Variants in TOX2 observed in about 807,000 individuals in gnomAD.
TOX2 encodes the protein granulosa cell HMG box 1.
Under a neutral mutation model 47.4 loss-of-function variants are expected in TOX2, and 15 were observed. The ratio of observed to expected loss-of-function variants is 0.32; its 90% CI spans 0.21 to 0.49. The LOEUF is 0.49. TOX2 is among the 20% of genes least tolerant of loss of function. TOX2 has a pLI of 0.99. For missense variants in TOX2, 622 were observed against 673.1 expected (o/e 0.92, Z 0.84); for synonymous variants, 290 against 296.6 (o/e 0.98, Z 0.23).
intron 3 of TOX2, among the ~76,000 whole-genome samples, chr20:44,030,289 A>G (rs1209516638): frequency 2.0e-5 from 3 of 151,882 alleles, no homozygotes; most frequent in African/African-American, 7.3e-5. Flanking sequence ...CTCTCCCTCC[A>G]TCTCTTGCTT....
At chr20:44,013,897 A>G (rs2070826263) in intron 3 of TOX2, among the ~76,000 whole-genome samples, 1 of 152,114 alleles carries the variant, frequency 6.6e-6, no homozygotes, top group South Asian at 2.1e-4. Flanking sequence ...CGGGAGGCCA[A>G]GATGGGCAGA....
At chr20:44,002,388 A>G (rs907219550) in intron 2 of TOX2, among the ~76,000 whole-genome samples, 1 of 152,186 alleles carries the variant, frequency 6.6e-6, no homozygotes, top group African/African-American at 2.4e-5. Flanking sequence ...CTGAAACTCC[A>G]GATGAGGGCA....
chr20:43,969,373 G>A (rs1214622753), intron 1 of TOX2, among the ~76,000 whole-genome samples: 1 of 152,062 alleles, frequency 6.6e-6, no homozygotes, highest in African/African-American at 2.4e-5. Flanking sequence ...AGATGTGGGT[G>A]TTTTTGATCT....
intron 2 of TOX2, among the ~76,000 whole-genome samples, chr20:43,977,085 G>T (rs577864304): frequency 6.6e-6 from 1 of 152,192 alleles, no homozygotes. Context: ...GAAAACATTT[G>T]CTTCCAGAAC....
chr20:43,926,794 G>C (rs1444584688), intron 1 of TOX2, among the ~76,000 whole-genome samples: 2 of 152,228 alleles, frequency 1.3e-5, no homozygotes, highest in Non-Finnish European at 1.5e-5. Flanking sequence ...CTTGGCACCA[G>C]TCTCCTCGAA....
chr20:44,033,899 G>C (rs904552948), intron 3 of TOX2, among the ~76,000 whole-genome samples: 1 of 152,174 alleles, frequency 6.6e-6, no homozygotes, highest in Non-Finnish European at 1.5e-5. Flanking sequence ...CAGAGTCTCT[G>C]CTGCCTTCTC....
At chr20:43,944,005 T>C (rs979677015) in intron 1 of TOX2, among the ~76,000 whole-genome samples, 9 of 152,220 alleles carry the variant, frequency 5.9e-5, no homozygotes, top group Admixed American at 6.5e-5. Flanking sequence ...TCATGGACAA[T>C]TTCCTCTTGC....
chr20:44,031,204 G>A (rs1430070872), intron 3 of TOX2, among the ~76,000 whole-genome samples: 2 of 152,138 alleles, frequency 1.3e-5, no homozygotes, highest in African/African-American at 2.4e-5. Context: ...TGGAAGCAGC[G>A]CTGCTTCCTC....
chr20:43,929,740 C>T (rs150673403), intron 1 of TOX2, among the ~76,000 whole-genome samples: 129 of 152,114 alleles, frequency 8.5e-4, no homozygotes, highest in African/African-American at 2.9e-3. Flanking sequence ...GATGGAGTCT[C>T]GCTCTGTTGC....
intron 1 of TOX2, among the ~76,000 whole-genome samples, chr20:43,927,620 C>CCTTT (rs2069187654): frequency 1.3e-5 from 1 of 74,994 alleles, no homozygotes. Context: ...TTCCTTCCTT[C>CCTTT]CTTCCTCCTT....
At chr20:44,024,764 G>A (rs1313199878) in intron 3 of TOX2, among the ~76,000 whole-genome samples, 1 of 151,916 alleles carries the variant, frequency 6.6e-6, no homozygotes, top group Admixed American at 6.6e-5. Flanking sequence ...TTATCTTTGT[G>A]CATTATACAC....
chr20:44,031,433 A>G (rs2071149738), intron 3 of TOX2, among the ~76,000 whole-genome samples: 1 of 152,108 alleles, frequency 6.6e-6, no homozygotes, highest in Non-Finnish European at 1.5e-5. Context: ...GGGTTGTGCT[A>G]TATTGGTGCG....
rs2071878571 is a variant in TOX2, at chr20:44,068,636, C to T, written c.1485-14C>T. On this transcript the variant is annotated splice_polypyrimidine_tract_variant and intron_variant, in intron 8 of 8. Coordinates refer to ENST00000341197, the MANE Select transcript of TOX2 (RefSeq NM_001098797.2). The stretch of plus-strand genomic sequence containing the variant: ...GTACCCAACAGCTTTGACAGCCCCT[C>T]CTCTCTCTCACAGCCTGCTCCCCAG... 1 of 1,608,750 alleles carries T rather than the reference C, an allele frequency of 6.2e-7. No homozygotes were observed. Among genetic ancestry groups the T allele is most frequent in the African/African-American group, 1.3e-5 (1 of 74,772 alleles).
intron 2 of TOX2, among the ~76,000 whole-genome samples, chr20:43,978,413 A>C (rs2070116616): frequency 6.6e-6 from 1 of 152,064 alleles, no homozygotes; most frequent in Non-Finnish European, 1.5e-5. Flanking sequence ...TCCCCATCTC[A>C]GGCTGTACTT....
At chr20:43,992,135 T>C (rs983837704) in intron 2 of TOX2, among the ~76,000 whole-genome samples, 11 of 152,078 alleles carry the variant, frequency 7.2e-5, no homozygotes, top group African/African-American at 1.7e-4. Flanking sequence ...GGAAAGGACA[T>C]TGCAGTAGAG....
chr20:43,957,111 G>A (rs1407724923), intron 1 of TOX2, among the ~76,000 whole-genome samples: 2 of 152,222 alleles, frequency 1.3e-5, no homozygotes. Flanking sequence ...TGCTTCGAGG[G>A]CTGAAGAAGT....
chr20:44,031,180 G>A (rs2071144604), intron 3 of TOX2, among the ~76,000 whole-genome samples: 1 of 152,144 alleles, frequency 6.6e-6, no homozygotes, highest in African/African-American at 2.4e-5. Flanking sequence ...GGGGGAAGGT[G>A]GGCGAATGGG....
At chr20:43,956,006 G>T (rs577489248) in intron 1 of TOX2, among the ~76,000 whole-genome samples, 1 of 149,332 alleles carries the variant, frequency 6.7e-6, no homozygotes, top group East Asian at 2.0e-4. Context: ...ATCTTGCACC[G>T]CCTTACTATT....
At chr20:43,988,875 T>C (rs905307099) in intron 2 of TOX2, among the ~76,000 whole-genome samples, 2 of 152,240 alleles carry the variant, frequency 1.3e-5, no homozygotes, top group Non-Finnish European at 2.9e-5. Context: ...TTGGGGACTC[T>C]GGACTAGAAG....
Sources: gnomAD v4.1 joint callset for allele counts (sites outside exome capture counted in the v4.1 genomes callset) on GRCh38, gnomAD v4.1.1 for gene constraint, MANE v1.5 for transcripts, NCBI Gene and HGNC (gene_info 2026-07-23, HGNC 2026-07-21) for gene names.